PTPRK: variants seen among roughly 807,000 people sequenced by gnomAD.
PTPRK encodes receptor-type tyrosine-protein phosphatase kappa.
A neutral mutation model predicts 178.0 loss-of-function variants in PTPRK; 75 were observed. The ratio of observed to expected loss-of-function variants is 0.42; its 90% CI spans 0.35 to 0.51. The LOEUF (loss-of-function observed/expected upper bound fraction) is 0.51. Among genes scored for constraint, PTPRK ranks in the 20% least tolerant of loss-of-function variants. The probability of loss-of-function intolerance (pLI) is 0.02; values close to 1 mark genes in which losing one functional copy is unlikely to be tolerated. For synonymous variants in PTPRK, 637 were observed against 620.6 expected, an observed-to-expected ratio of 1.03 and a Z score of -0.39; for missense variants, 1,441 against 1,797.8, an observed-to-expected ratio of 0.80 and a Z score of 3.59.
intron 2 of PTPRK, among the ~76,000 whole-genome samples, chr6:128,373,147 C>T (rs1325316516): frequency 6.6e-6 from 1 of 152,164 alleles, no homozygotes; most frequent in Non-Finnish European, 1.5e-5. Context: ...TAGAATTATT[C>T]CTAGTGGTCA....
intron 3 of PTPRK, among the ~76,000 whole-genome samples, chr6:128,293,947 G>A (rs17352289): frequency 0.078 from 11,847 of 152,098 alleles, 508 homozygotes; most frequent in Middle Eastern, 0.15. Context: ...TAACGCATAT[G>A]ACAGAATCTA....
chr6:128,064,639 G>A, intron 13 of PTPRK, 119 bp downstream of exon 13: 1 of 1,307,826 alleles, frequency 7.6e-7, no homozygotes. Flanking sequence ...ACCCACATGA[G>A]TCACAGAACT....
intron 6 of PTPRK, among the ~76,000 whole-genome samples, chr6:128,190,501 T>TA (rs1273872471): frequency 6.7e-5 from 9 of 134,344 alleles, no homozygotes; most frequent in East Asian, 6.3e-4. Context: ...TTTTTTTTTT[T>TA]TTTTTTTTTT....
intron 1 of PTPRK, among the ~76,000 whole-genome samples, chr6:128,474,403 T>A (rs998990650): frequency 3.3e-5 from 5 of 151,910 alleles, no homozygotes; most frequent in African/African-American, 1.2e-4. Context: ...AAAATGATCT[T>A]CCTAACTCAC....
intron 6 of PTPRK, among the ~76,000 whole-genome samples, chr6:128,200,019 CCA>C (rs1182411673): frequency 6.6e-6 from 1 of 152,154 alleles, no homozygotes; most frequent in East Asian, 1.9e-4. Context: ...TGTGATTATA[CCA>C]CATAAAGGCA....
rs531626904 is a variant in PTPRK at position 127,969,758 on chromosome 6, T to G, written c.*469A>C. 1.3e-5 allele frequency: 2 copies of G among 152,074 alleles called. No individual in the cohort carries two copies. The highest frequency in any genetic ancestry group is 2.4e-5 in the African/African-American group (1 of 41,434). The allele number at this position is 152,074 out of a possible 1,614,324, so 9.4% of individuals were successfully genotyped here. The stretch of plus-strand genomic sequence containing the variant: ...ATATATTTATATATTTATATAGAGA[T>G]CTGCTACACTGGAAACATATAAAAA... On this transcript the variant is annotated 3_prime_UTR_variant, in exon 30 of 30. Coordinates refer to ENST00000368226, the MANE Select transcript of PTPRK (RefSeq NM_002844.4).
chr6:128,014,013 T>A (rs1779332692), intron 13 of PTPRK, among the ~76,000 whole-genome samples: 1 of 151,532 alleles, frequency 6.6e-6, no homozygotes, highest in African/African-American at 2.4e-5. Context: ...TTGCTCACCA[T>A]TGAATTTCTA....
chr6:128,483,895 C>A (rs908554442), intron 1 of PTPRK, among the ~76,000 whole-genome samples: 1 of 152,098 alleles, frequency 6.6e-6, no homozygotes, highest in Non-Finnish European at 1.5e-5. Context: ...TAGATGATAT[C>A]TTTTTATGAA....
intron 7 of PTPRK, among the ~76,000 whole-genome samples, chr6:128,164,326 C>A (rs62427865): frequency 0.067 from 10,091 of 151,314 alleles, 500 homozygotes; most frequent in Non-Finnish European, 0.11. Flanking sequence ...TAAAGCATGA[C>A]CCTATAATCC....
intron 6 of PTPRK, among the ~76,000 whole-genome samples, chr6:128,188,151 T>C (rs1803100180): frequency 6.6e-6 from 1 of 152,178 alleles, no homozygotes; most frequent in Admixed American, 6.6e-5. Context: ...ACTTTGCCGA[T>C]GTTACCAATT....
intron 2 of PTPRK, among the ~76,000 whole-genome samples, chr6:128,377,315 G>A (rs1837241395): frequency 6.6e-6 from 1 of 152,108 alleles, no homozygotes; most frequent in Non-Finnish European, 1.5e-5. Context: ...TACATGGATG[G>A]CAGCAGGCAA....
chr6:128,491,925 C>G (rs1853854974), intron 1 of PTPRK: 12 of 450,542 alleles, frequency 2.7e-5, no homozygotes, highest in South Asian at 1.9e-4. Context: ...GAAACTTCCC[C>G]TGGGAATTGA....
chr6:128,131,923 T>G (rs930181012), intron 7 of PTPRK, among the ~76,000 whole-genome samples: 1 of 152,312 alleles, frequency 6.6e-6, no homozygotes, highest in East Asian at 1.9e-4. Flanking sequence ...AATATCATAC[T>G]GGTTAATAGT....
In PTPRK at chr6:128,520,216, C is replaced by G. The variant is rs1402134998; in HGVS notation, c.100+43G>C. On this transcript the variant is annotated intron_variant, in intron 1 of 29. Transcript: ENST00000368226. ...GGACCTGGCTCACCCCTCGTGAGCC[C>G]AGGACTCCAGGCGTTCGTCGGGGAC... 12 of 1,529,874 alleles carry G rather than the reference C, an allele frequency of 7.8e-6. No individual in the cohort carries two copies. In the Admixed American group the frequency reaches 1.6e-4, roughly 20 times the overall value. 94.8% of individuals were successfully genotyped at this position (1,529,874 alleles called of 1,614,324 possible).
rs57723685 is a variant in PTPRK at position 128,503,842 on chromosome 6, T to TTGTGTGTGTGTGTGTGTG, written c.100+16399_100+16416dup. ...CATGCACCACTATGCCTGGTTATTA[T>TTGTGTGTGTGTGTGTGTG]TGTGTGTGTGTGTGTGTGTGTGTGT... On this transcript the variant is annotated intron_variant, in intron 1 of 29. Coordinates refer to ENST00000368226, the MANE Select transcript of PTPRK (RefSeq NM_002844.4). Among the ~76,000 whole-genome samples the TTGTGTGTGTGTGTGTGTG allele has an allele frequency of 2.6e-3, 366 of 139,960 alleles. 5 individuals carry two copies. The highest frequency in any genetic ancestry group is 7.4e-3 in the African/African-American group (273 of 36,812). The allele number at this position is 139,960 out of a possible 152,430, so 91.8% of individuals were successfully genotyped here. A position where few individuals can be genotyped will look rare whatever the true frequency, so the allele number is the denominator to read the frequency against.
chr6:128,087,474 G>A (rs964453735), intron 8 of PTPRK, among the ~76,000 whole-genome samples: 7 of 152,048 alleles, frequency 4.6e-5, no homozygotes, highest in Non-Finnish European at 7.4e-5. Flanking sequence ...TGAATCTGTA[G>A]TTAGACTTCT....
chr6:128,372,988 AT>A (rs199839167), intron 2 of PTPRK, among the ~76,000 whole-genome samples: 43 of 150,988 alleles, frequency 2.8e-4, no homozygotes, highest in African/African-American at 7.6e-4. Flanking sequence ...GAGGGAGGTA[AT>A]TTTAAAAAAA....
At chr6:128,045,762 A>G (rs1777937655) in intron 13 of PTPRK, among the ~76,000 whole-genome samples, 1 of 152,252 alleles carries the variant, frequency 6.6e-6, no homozygotes, top group Middle Eastern at 3.4e-3. Context: ...AATATCAGGC[A>G]CACACAATTA....
rs1033444114 is a variant in PTPRK, at chr6:128,251,372, G to A, written c.496-8770C>T. 5.3e-5 allele frequency among the ~76,000 whole-genome samples: 8 copies of A among 152,234 alleles called. No individual in the cohort carries two copies. The South Asian group carries it at 1.2e-3, about 24-fold the overall frequency. On this transcript the variant is annotated intron_variant, in intron 3 of 29. Coordinates refer to ENST00000368226, the MANE Select transcript of PTPRK (RefSeq NM_002844.4). ...TAAGACATATAATCAAGCCCAAATC[G>A]ATTCTTCATCTAACCCCTAAGTAAT...
Sources: gnomAD v4.1 joint callset for allele counts (sites outside exome capture counted in the v4.1 genomes callset) on GRCh38, gnomAD v4.1.1 for gene constraint, MANE v1.5 for transcripts, NCBI Gene and HGNC (gene_info 2026-07-23, HGNC 2026-07-21) for gene names.